The following NCOA2 variants were observed in gnomAD, a reference collection of about 807,000 sequenced individuals.
The protein encoded by NCOA2 is class E basic helix-loop-helix protein 75.
In NCOA2, 21 loss-of-function variants were observed where a neutral mutation model predicts 145.1. That is an observed-to-expected ratio of 0.14 (90% confidence interval 0.10 to 0.21). The LOEUF is 0.21. NCOA2 is among the 10% of genes least tolerant of loss of function. The pLI, the probability that NCOA2 is intolerant of heterozygous loss-of-function variation, is 1.00. For synonymous variants in NCOA2, 619 were observed against 637.5 expected, an observed-to-expected ratio of 0.97 and a Z score of 0.44; for missense variants, 1,472 against 1,837.6, an observed-to-expected ratio of 0.80 and a Z score of 3.64.
At chr8:70,193,512 A>G (rs1816920481) in intron 4 of NCOA2, among the ~76,000 whole-genome samples, 1 of 152,236 alleles carries the variant, frequency 6.6e-6, no homozygotes, top group Non-Finnish European at 1.5e-5. Context: ...GATCTTTGAC[A>G]ATTCAGCTAT....
chr8:70,308,144 A>C (rs1828034535), intron 1 of NCOA2, among the ~76,000 whole-genome samples: 3 of 152,188 alleles, frequency 2.0e-5, no homozygotes, highest in Admixed American at 2.0e-4. Flanking sequence ...GTCTTTTAAA[A>C]CTAAAAGAAA....
intron 5 of NCOA2, 90 bp from the exon 6 acceptor site, chr8:70,170,469 C>T (rs911271197): frequency 2.4e-5 from 26 of 1,098,198 alleles, no homozygotes; most frequent in Middle Eastern, 2.3e-4. Flanking sequence ...TTCAAGGAAA[C>T]ACAATTCACA....
chr8:70,213,886 T>C lies in NCOA2; in HGVS notation c.259+17A>G. 6.4e-7 allele frequency: 1 copy of C among 1,556,090 alleles called. No homozygotes were observed. Among genetic ancestry groups the C allele is most frequent in the Admixed American group, 2.1e-5 (1 of 47,648 alleles). On this transcript the variant is annotated intron_variant, in intron 4 of 22. Transcript: ENST00000452400. ...AAACCAATTCAACTCTTCAAAATAC[T>C]AATTCAGTCCTCTTACCTTGTTCTT... is the stretch of plus-strand genomic sequence containing the variant.
At chr8:70,259,492 A>T (rs1436022592) in intron 2 of NCOA2, among the ~76,000 whole-genome samples, 1 of 152,208 alleles carries the variant, frequency 6.6e-6, no homozygotes. Flanking sequence ...AGTCACAATT[A>T]TTTTGTTATA....
At chr8:70,208,406 G>C (rs1487367228) in intron 4 of NCOA2, among the ~76,000 whole-genome samples, 1 of 152,228 alleles carries the variant, frequency 6.6e-6, no homozygotes, top group Non-Finnish European at 1.5e-5. Context: ...TGTGCTGATG[G>C]AGAAGCTGTA....
intron 1 of NCOA2, among the ~76,000 whole-genome samples, chr8:70,347,545 A>T (rs902343928): frequency 6.6e-6 from 1 of 151,970 alleles, no homozygotes; most frequent in Admixed American, 6.6e-5. Context: ...GGTCCCAGCT[A>T]CTTGGGAGGC....
intron 1 of NCOA2, among the ~76,000 whole-genome samples, chr8:70,312,977 A>G (rs764163307): frequency 1.3e-5 from 2 of 152,220 alleles, no homozygotes; most frequent in Non-Finnish European, 2.9e-5. Flanking sequence ...ACATATTAGC[A>G]AAGACAGGTA....
At chr8:70,180,278 G>A (rs892497997) in intron 4 of NCOA2, among the ~76,000 whole-genome samples, 2 of 152,344 alleles carry the variant, frequency 1.3e-5, no homozygotes, top group African/African-American at 2.4e-5. Context: ...AACCTGATTG[G>A]AGAGATCATC....
intron 2 of NCOA2, among the ~76,000 whole-genome samples, chr8:70,248,104 G>T (rs1422942260): frequency 6.6e-6 from 1 of 152,178 alleles, no homozygotes; most frequent in Non-Finnish European, 1.5e-5. Flanking sequence ...GTTGTTTTTA[G>T]CTTTAACATT....
rs1807712989 is a variant in NCOA2 at position 70,337,456 on chromosome 8, G to C, written c.-76-40656C>G. Among the ~76,000 whole-genome samples, 3 of 152,264 alleles carry C rather than the reference G, an allele frequency of 2.0e-5. No homozygotes were observed. The South Asian group carries it at 6.2e-4, about 32-fold the overall frequency. ...TCAAAAATTCAGGAGGCAAACTGCT[G>C]AGACTCGAATAGTGATCCTATACAT... On this transcript the variant is annotated intron_variant, in intron 1 of 22. Transcript: ENST00000452400.
Position 70,157,149 on chromosome 8 carries a change from G to A in NCOA2, c.1216C>T (p.Gln406Ter). The A allele has an allele frequency of 6.2e-7, 1 of 1,612,410 alleles. No individual in the cohort carries two copies. Residue 406 changes from glutamine to a stop codon, truncating the protein, a stop_gained, in exon 11 of 23, where the codon CAG (glutamine) becomes TAG (stop). Transcript: ENST00000452400. LOFTEE classifies it high-confidence loss of function. ...CCTGGGTTCCCACTGCACAGGGCCT[G>A]ATGGGCAGGGCTGTTAGAGCTAATT... ...NPISSNSPAH[Q>*]ALCSGNPGQD...
intron 1 of NCOA2, among the ~76,000 whole-genome samples, chr8:70,339,862 G>A (rs1295710792): frequency 1.3e-5 from 2 of 152,176 alleles, no homozygotes; most frequent in Non-Finnish European, 2.9e-5. Context: ...TTTAATAAAT[G>A]GTGCTGGGAG....
the NCOA2 span, among the ~76,000 whole-genome samples, chr8:70,442,848 C>A: frequency 2.0e-5 from 3 of 152,122 alleles, no homozygotes; most frequent in Admixed American, 2.0e-4. Context: ...TCTTCTGAGC[C>A]ATTTTATACC....
chr8:70,361,080 T>C (rs6472520), intron 1 of NCOA2, among the ~76,000 whole-genome samples: 58,046 of 152,098 alleles, frequency 0.38, 13,671 homozygotes, highest in East Asian at 0.7. Flanking sequence ...ATTCTATGCC[T>C]AAATCCACCA....
chr8:70,383,999 T>C lies in NCOA2; in HGVS notation c.-77+19701A>G, dbSNP rs561924183. The stretch of plus-strand genomic sequence containing the variant: ...GCTATACCAAGTTTTCCATCACCTC[T>C]GAGAACATCAGTGTACTCCATTTGT... On this transcript the variant is annotated intron_variant, in intron 1 of 22. Coordinates refer to ENST00000452400, the MANE Select transcript of NCOA2 (RefSeq NM_006540.4). Among the ~76,000 whole-genome samples the C allele has an allele frequency of 4.6e-5, 7 of 152,336 alleles. No homozygotes were observed. The South Asian group carries it at 1.4e-3, about 32-fold the overall frequency.
chr8:70,198,465 C>A (rs762112366), intron 4 of NCOA2, among the ~76,000 whole-genome samples: 4 of 152,114 alleles, frequency 2.6e-5, no homozygotes, highest in Non-Finnish European at 4.4e-5. Context: ...TTTCCTTCGT[C>A]CTGCAGGCAG....
At position 70,249,963 on chromosome 8, in the gene NCOA2, CAAAAAAA is replaced by C. The variant is rs747018939; in HGVS notation, c.-19-33206_-19-33200del. On this transcript the variant is annotated intron_variant, in intron 2 of 22. Coordinates refer to ENST00000452400, the MANE Select transcript of NCOA2 (RefSeq NM_006540.4). The stretch of plus-strand genomic sequence containing the variant: ...AGGCAACAGAGAGAGAATCTGCCTC[CAAAAAAA>C]AAAAAAAAAGAAGAAGAAGAAGAAG... Among the ~76,000 whole-genome samples, 27 of 75,244 alleles carry C rather than the reference CAAAAAAA, an allele frequency of 3.6e-4. No individual in the cohort carries two copies. The Admixed American group carries it at 4.1e-3, about 12-fold the overall frequency. 49.4% of individuals were successfully genotyped at this position (75,244 alleles called of 152,430 possible). A position where few individuals can be genotyped will look rare whatever the true frequency, so the allele number is the denominator to read the frequency against.
intron 4 of NCOA2, among the ~76,000 whole-genome samples, chr8:70,175,349 C>A (rs934952810): frequency 2.0e-5 from 3 of 152,254 alleles, no homozygotes; most frequent in African/African-American, 4.8e-5. Flanking sequence ...GACTCTTTTA[C>A]TGTTCCACTT....
In NCOA2 at chr8:70,314,180, C is replaced by CAAAAAAAAAAAAAAA. The variant is rs61028027; in HGVS notation, c.-76-17395_-76-17381dup. On this transcript the variant is annotated intron_variant, in intron 1 of 22. Transcript: ENST00000452400. The stretch of plus-strand genomic sequence containing the variant: ...GGGCGACAGAGCAAGACTCTGACTC[C>CAAAAAAAAAAAAAAA]AAAAAAAAAAAAAAAAAAAAAAAAA... Among the ~76,000 whole-genome samples the CAAAAAAAAAAAAAAA allele has an allele frequency of 1.0e-3, 18 of 17,202 alleles. 3 individuals are homozygous for CAAAAAAAAAAAAAAA. The highest frequency in any genetic ancestry group is 1.7e-3 in the Non-Finnish European group (10 of 5,938). The allele number at this position is 17,202 out of a possible 152,430, so 11.3% of individuals were successfully genotyped here.
Sources: allele counts gnomAD v4.1 joint callset (sites outside exome capture counted in the v4.1 genomes callset), GRCh38; gene constraint gnomAD v4.1.1; transcripts MANE v1.5; gene names NCBI Gene and HGNC (gene_info 2026-07-23, HGNC 2026-07-21).